Variants in HNF1B observed in about 807,000 individuals in gnomAD.
The protein encoded by HNF1B is hepatocyte nuclear factor 1-beta.
Under a neutral mutation model 61.7 loss-of-function variants are expected in HNF1B, and 8 were observed. That is an observed-to-expected ratio of 0.13 (90% confidence interval 0.08 to 0.23). HNF1B has a LOEUF of 0.23. Among genes scored for constraint, HNF1B ranks in the 10% least tolerant of loss-of-function variants. The pLI is 1.00. For synonymous variants in HNF1B, 314 were observed against 287.7 expected (o/e 1.09, Z -0.93); for missense variants, 562 against 714.5 (o/e 0.79, Z 2.43).
chr17:37,720,774 C>T, intron 4 of HNF1B: 1 of 984,992 alleles, frequency 1.0e-6, no homozygotes, highest in Non-Finnish European at 1.2e-6. Context: ...AATTCTGCCA[C>T]TCAGAATACA....
chr17:37,726,937 C>A (rs919489700), intron 4 of HNF1B, among the ~76,000 whole-genome samples: 1 of 152,094 alleles, frequency 6.6e-6, no homozygotes, highest in Non-Finnish European at 1.5e-5. Flanking sequence ...CGTGGGAGAG[C>A]GGAGGCTGAT....
At position 37,687,036 on chromosome 17, in the gene HNF1B, C is replaced by T; in HGVS notation, c.*336G>A. On this transcript the variant is annotated 3_prime_UTR_variant, in exon 9 of 9. Transcript: ENST00000617811. ...TTTCAGTAACAGATTCAAGTTTTCGCATCAGTTTGTTCGATGAAGGATCAC... is the reference window on the plus strand; with the variant it reads ...TTTCAGTAACAGATTCAAGTTTTCGTATCAGTTTGTTCGATGAAGGATCAC... 7.3e-6 allele frequency: 4 copies of T among 551,406 alleles called. No homozygotes were observed. The highest frequency in any genetic ancestry group is 1.3e-5 in the Non-Finnish European group (4 of 306,330). The allele number at this position is 551,406 out of a possible 1,614,324, so 34.2% of individuals were successfully genotyped here. A position where few individuals can be genotyped will look rare whatever the true frequency, so the allele number is the denominator to read the frequency against.
At chr17:37,699,875 C>T (rs8070225) in intron 7 of HNF1B, among the ~76,000 whole-genome samples, 1,747 of 152,300 alleles carry the variant, frequency 0.011, 35 homozygotes, top group African/African-American at 0.04. Flanking sequence ...CTGTTCTCCC[C>T]CAAACCCACA....
intron 3 of HNF1B, among the ~76,000 whole-genome samples, chr17:37,733,170 A>G (rs994639026): frequency 1.3e-5 from 2 of 152,154 alleles, no homozygotes; most frequent in African/African-American, 4.8e-5. Context: ...GGTCAAACAC[A>G]CAATTTCGCT....
At position 37,737,699 on chromosome 17, in the gene HNF1B, G is replaced by A. The variant is rs559921889; in HGVS notation, c.544+1741C>T. On this transcript the variant is annotated intron_variant, in intron 2 of 8. Transcript: ENST00000617811. ...AAAAAAAAAAAATTAGCCAGGTGTGGTGGCGGGCACCTGCAGTCCCAGCTA... is the reference window on the plus strand; with the variant it reads ...AAAAAAAAAAAATTAGCCAGGTGTGATGGCGGGCACCTGCAGTCCCAGCTA... Among the ~76,000 whole-genome samples the A allele has an allele frequency of 1.6e-3, 249 of 151,990 alleles. 2 individuals carry two copies. The highest frequency in any genetic ancestry group is 1.9e-3 in the East Asian group (10 of 5,172).
At chr17:37,689,670 G>A (rs575931525) in intron 8 of HNF1B, among the ~76,000 whole-genome samples, 6 of 152,334 alleles carry the variant, frequency 3.9e-5, no homozygotes, top group South Asian at 2.1e-4. Flanking sequence ...GGGGCCCTCC[G>A]TCTGAAAGGT....
chr17:37,734,255 G>A (rs923600855), intron 2 of HNF1B, among the ~76,000 whole-genome samples: 1 of 152,106 alleles, frequency 6.6e-6, no homozygotes, highest in African/African-American at 2.4e-5. Flanking sequence ...GCTGTAGATA[G>A]CACTCCCCAC....
intron 1 of HNF1B, among the ~76,000 whole-genome samples, chr17:37,742,630 A>C (rs2034028602): frequency 6.6e-6 from 1 of 152,050 alleles, no homozygotes; most frequent in African/African-American, 2.4e-5. Flanking sequence ...CCGCGTCTCC[A>C]ACTCGGCGAG....
chr17:37,697,454 C>G (rs1465396769), intron 8 of HNF1B, among the ~76,000 whole-genome samples: 1 of 152,118 alleles, frequency 6.6e-6, no homozygotes, highest in Admixed American at 6.5e-5. Flanking sequence ...CAGGGAGCAT[C>G]TTAAAGTATT....
At chr17:37,744,445 G>C (rs1041447658) in intron 1 of HNF1B, 96 bp downstream of exon 1, 160 of 1,278,748 alleles carry the variant, frequency 1.3e-4, no homozygotes, top group Non-Finnish European at 1.7e-4. Flanking sequence ...GGTGGGAAAC[G>C]GGCTTGGCGA....
At position 37,739,630 on chromosome 17, in the gene HNF1B, A is replaced by G. The variant is rs776213030; in HGVS notation, c.354T>C (p.Pro118=). The G allele has an allele frequency of 2.0e-5, 33 of 1,611,516 alleles. No individual in the cohort carries two copies. The highest frequency in any genetic ancestry group is 2.7e-5 in the Non-Finnish European group (32 of 1,178,876). Reference sequence around the variant, plus strand: ...CCTTGATCATTTTAGCAGCCCTCCAAGGGTCCTCACTAGACAGACAAGCAG... The same window carrying G: ...CCTTGATCATTTTAGCAGCCCTCCAGGGGTCCTCACTAGACAGACAAGCAG... The part of the protein sequence containing the change: ...AEVDRMLSED[P]WRAAKMIKGY... Residue 118 remains proline, a synonymous_variant, in exon 2 of 9, where the codon CCT becomes CCC. Coordinates refer to ENST00000617811, the MANE Select transcript of HNF1B (RefSeq NM_000458.4).
intron 2 of HNF1B, among the ~76,000 whole-genome samples, chr17:37,734,919 G>A (rs934108535): frequency 6.6e-6 from 1 of 151,708 alleles, no homozygotes; most frequent in African/African-American, 2.4e-5. Context: ...CTCCTGAGTA[G>A]CTGGGATTAT....
rs898051684 is a variant in HNF1B, at chr17:37,720,920, A to G, written c.1046-10257T>C. The G allele has an allele frequency of 5.1e-6, 5 of 985,442 alleles. No individual in the cohort carries two copies. In the Admixed American group the frequency reaches 3.1e-4, roughly 61 times the overall value. 61.0% of individuals were successfully genotyped at this position (985,442 alleles called of 1,614,324 possible). ...AGACAATGAAGAAGAACGGCCGCTC[A>G]TTTCTGTCTCCATCCATAAAACACC... On this transcript the variant is annotated intron_variant, in intron 4 of 8. Transcript: ENST00000617811.
chr17:37,733,704 T>C lies in HNF1B; in HGVS notation c.662A>G (p.Asp221Gly), dbSNP rs755263300. The C allele has an allele frequency of 3.1e-6, 5 of 1,614,028 alleles. No individual in the cohort carries two copies. In the African/African-American group the frequency reaches 6.7e-5, roughly 22 times the overall value. ...QQSHGPGQSDDACSEPTNKKM... is the reference protein window; with the variant it reads ...QQSHGPGQSDGACSEPTNKKM... Reference sequence around the variant, plus strand: ...CTTGTTGGTGGGCTCAGAGCAGGCATCATCGGACTGCCCAGGCCCATGGCT... The same window carrying C: ...CTTGTTGGTGGGCTCAGAGCAGGCACCATCGGACTGCCCAGGCCCATGGCT... Residue 221 changes from aspartate to glycine, a missense_variant, in exon 3 of 9, where the codon GAT becomes GGT. This residue lies in a region of HNF1B where 69 missense variants were observed against 81.2 expected (regional missense o/e 0.85). Transcript: ENST00000617811.
At chr17:37,727,332 G>A (rs1307730735) in intron 4 of HNF1B, among the ~76,000 whole-genome samples, 2 of 152,126 alleles carry the variant, frequency 1.3e-5, no homozygotes, top group Non-Finnish European at 2.9e-5. Context: ...TAGGGGGTGG[G>A]GGCGGATAAA....
intron 3 of HNF1B, among the ~76,000 whole-genome samples, chr17:37,732,677 G>A (rs567272392): frequency 2.5e-4 from 33 of 133,152 alleles, no homozygotes; most frequent in East Asian, 1.1e-3. Context: ...CTTTCCAATC[G>A]TTTAAAAAAA....
chr17:37,720,985 T>C (rs2033294817), intron 4 of HNF1B: 4 of 976,772 alleles, frequency 4.1e-6, no homozygotes, highest in Non-Finnish European at 4.9e-6. Flanking sequence ...TCGTGCAAAC[T>C]GATGTTACAC....
intron 8 of HNF1B, among the ~76,000 whole-genome samples, chr17:37,696,163 G>A (rs1413917401): frequency 6.6e-6 from 1 of 152,108 alleles, no homozygotes; most frequent in East Asian, 1.9e-4. Context: ...AAGAGTCTAG[G>A]GCTAGGCATG....
At chr17:37,739,300 G>A in intron 2 of HNF1B, 140 bp downstream of exon 2, 1 of 803,450 alleles carries the variant, frequency 1.2e-6, no homozygotes, top group South Asian at 1.4e-5. Context: ...AACCACCAAG[G>A]CCAAATCTAC....
Sources: gnomAD v4.1 joint callset for allele counts (sites outside exome capture counted in the v4.1 genomes callset) on GRCh38, gnomAD v4.1.1 for gene constraint, gnomAD v4.1.1 regional missense constraint, MANE v1.5 for transcripts, NCBI Gene and HGNC (gene_info 2026-07-23, HGNC 2026-07-21) for gene names.